CHD1L: variants seen among roughly 807,000 people sequenced by gnomAD.
The protein encoded by CHD1L is chromodomain helicase DNA binding protein 1 like, also known as ATP-dependent chromatin remodeler CHD1L.
Under a neutral mutation model 115.9 loss-of-function variants are expected in CHD1L, and 118 were observed. The observed-to-expected ratio is 1.02, with a 90% CI of 0.88 to 1.19. The LOEUF is 1.19. Among genes scored for constraint, CHD1L ranks in the 50% most tolerant of loss-of-function variants. The pLI is 0.00. For missense variants in CHD1L, 1,179 were observed against 1,065.3 expected (o/e 1.11, Z -1.49); for synonymous variants, 411 against 387.1 (o/e 1.06, Z -0.72).
intron 6 of CHD1L, among the ~76,000 whole-genome samples, chr1:147,263,107 A>G (rs797024284): frequency 3.8e-4 from 58 of 152,242 alleles, no homozygotes; most frequent in African/African-American, 1.4e-3. Flanking sequence ...ATACATATGT[A>G]TATATACGTT....
At chr1:147,214,027 G>C in the CHD1L span, among the ~76,000 whole-genome samples, 1 of 152,122 alleles carries the variant, frequency 6.6e-6, no homozygotes, top group African/African-American at 2.4e-5. Flanking sequence ...AAAGAAAGAG[G>C]CTGTGAAACA....
chr1:147,265,831 G>C lies in CHD1L; in HGVS notation c.740-101G>C, dbSNP rs3737848. ...TACTGGCCTAGAATGCAAAATAAGC[G>C]TGAAATAAGAAACAAAAATAAATTT... On this transcript the variant is annotated intron_variant, in intron 7 of 22. Coordinates refer to ENST00000369258, the MANE Select transcript of CHD1L (RefSeq NM_004284.6). 105,387 of 1,096,584 alleles carry C rather than the reference G, an allele frequency of 0.096. 5,629 individuals carry two copies. The highest frequency in any genetic ancestry group is 0.2 in the East Asian group (7,469 of 37,150). 67.9% of individuals were successfully genotyped at this position (1,096,584 alleles called of 1,614,324 possible). A position where few individuals can be genotyped will look rare whatever the true frequency, so the allele number is the denominator to read the frequency against.
the CHD1L span, chr1:147,208,982 C>T: frequency 1.2e-6 from 2 of 1,614,084 alleles, no homozygotes; most frequent in African/African-American, 2.7e-5. Context: ...GAGAACAACA[C>T]ATCAGCAGGA....
the CHD1L span, among the ~76,000 whole-genome samples, chr1:147,236,091 G>A: frequency 6.6e-6 from 1 of 152,176 alleles, no homozygotes; most frequent in Non-Finnish European, 1.5e-5. Context: ...TGGCAAGGCA[G>A]GCAGCTCCAG....
chr1:147,257,736 G>C, intron 5 of CHD1L, among the ~76,000 whole-genome samples: 1 of 152,114 alleles, frequency 6.6e-6, no homozygotes, highest in East Asian at 1.9e-4. Flanking sequence ...CATTTTACGG[G>C]TGAGGAAAAT....
In CHD1L at chr1:147,295,584, C is replaced by T; in HGVS notation, c.*75C>T. 1 of 1,075,566 alleles carries T rather than the reference C, an allele frequency of 9.3e-7. No homozygotes were observed. The highest frequency in any genetic ancestry group is 1.4e-6 in the Non-Finnish European group (1 of 737,846). The allele number at this position is 1,075,566 out of a possible 1,614,324, so 66.6% of individuals were successfully genotyped here. A position where few individuals can be genotyped will look rare whatever the true frequency, so the allele number is the denominator to read the frequency against. On this transcript the variant is annotated 3_prime_UTR_variant, in exon 23 of 23. Coordinates refer to ENST00000369258, the MANE Select transcript of CHD1L (RefSeq NM_004284.6). The stretch of plus-strand genomic sequence containing the variant: ...CCAGAGGTACTGCAATAGAGTATTT[C>T]AAAATGGAATCAGGATCTGGTGGGC...
At chr1:147,215,743 C>T in the CHD1L span, 7 of 1,577,486 alleles carry the variant, frequency 4.4e-6, no homozygotes, top group East Asian at 2.3e-5. Context: ...GATACCCACA[C>T]AATTTTCTAC....
the CHD1L span, among the ~76,000 whole-genome samples, chr1:147,199,447 A>G: frequency 1.2e-4 from 18 of 152,184 alleles, no homozygotes; most frequent in Non-Finnish European, 2.1e-4. Context: ...AATTAGCACT[A>G]GGCTTCTGCT....
At chr1:147,210,190 C>T in the CHD1L span, 13 of 152,266 alleles carry the variant, frequency 8.5e-5, no homozygotes, top group African/African-American at 2.4e-4. Context: ...AATTTCCAAC[C>T]CAGGTCTGAC....
chr1:147,221,926 G>T, the CHD1L span, among the ~76,000 whole-genome samples: 2 of 152,184 alleles, frequency 1.3e-5, no homozygotes, highest in Admixed American at 1.3e-4. Flanking sequence ...GAGCAGTATT[G>T]GGTTAGTGAG....
rs782721910 is a variant in CHD1L at position 147,287,771 on chromosome 1, T to C, written c.2320+38T>C. 11 of 1,565,654 alleles carry C rather than the reference T, an allele frequency of 7.0e-6. No homozygotes were observed. The African/African-American group carries it at 1.4e-4, about 19-fold the overall frequency. On this transcript the variant is annotated intron_variant, in intron 19 of 22. Coordinates refer to ENST00000369258, the MANE Select transcript of CHD1L (RefSeq NM_004284.6). ...GCAGAGGGAAAGGTTAAGGGTGGAA[T>C]AAGAGAGAAGAGGACACCTAAGACT...
the CHD1L span, among the ~76,000 whole-genome samples, chr1:147,180,794 C>T: frequency 2.0e-4 from 30 of 152,186 alleles, no homozygotes; most frequent in Non-Finnish European, 4.3e-4. Flanking sequence ...AGGTCCACCT[C>T]TCCTTTTGAC....
At chr1:147,203,509 G>T in the CHD1L span, 33,384 of 865,664 alleles carry the variant, frequency 0.039, 1,089 homozygotes, top group South Asian at 0.094. Context: ...TCCTTCTTGA[G>T]GTACTGCATA....
At chr1:147,239,431 C>T (rs1289905509), upstream of CHD1L, among the ~76,000 whole-genome samples, 2 of 152,162 alleles carry the variant, frequency 1.3e-5, no homozygotes, top group Non-Finnish European at 2.9e-5. Context: ...CCAACCTTTG[C>T]TTCTTCATTT....
intron 14 of CHD1L, among the ~76,000 whole-genome samples, chr1:147,279,350 G>C (rs1553960200): frequency 6.6e-6 from 1 of 152,174 alleles, no homozygotes; most frequent in Admixed American, 6.5e-5. Flanking sequence ...AAAATTATCT[G>C]TGCTTTCTGC....
chr1:147,281,761 C>A (rs1439289344), intron 15 of CHD1L, among the ~76,000 whole-genome samples: 1 of 151,668 alleles, frequency 6.6e-6, no homozygotes, highest in African/African-American at 2.4e-5. Flanking sequence ...TTTCTCTTCC[C>A]ATTGCATTGA....
chr1:147,198,290 T>A, the CHD1L span, among the ~76,000 whole-genome samples: 1 of 152,168 alleles, frequency 6.6e-6, no homozygotes, highest in Non-Finnish European at 1.5e-5. Context: ...ACCTCTTATG[T>A]GCTAGGCAGT....
chr1:147,284,056 AAATG>A (rs1374467237), intron 15 of CHD1L, among the ~76,000 whole-genome samples: 1 of 152,230 alleles, frequency 6.6e-6, no homozygotes, highest in Non-Finnish European at 1.5e-5. Flanking sequence ...AGTTGGGAAT[AAATG>A]AATGAGGAAT....
the CHD1L span, among the ~76,000 whole-genome samples, chr1:147,226,478 CA>C: frequency 9.6e-3 from 1,458 of 152,066 alleles, 22 homozygotes; most frequent in African/African-American, 0.033. Flanking sequence ...TATTAGTAAC[CA>C]AAAATACAAA....
Sources: allele counts gnomAD v4.1 joint callset (sites outside exome capture counted in the v4.1 genomes callset), GRCh38; gene constraint gnomAD v4.1.1; transcripts MANE v1.5; gene names NCBI Gene and HGNC (gene_info 2026-07-23, HGNC 2026-07-21).